The following KALRN variants were observed in gnomAD, a reference collection of about 807,000 sequenced individuals.
KALRN encodes kalirin.
KALRN carries 70 observed loss-of-function variants against 353.7 expected under a neutral mutation model. That is an observed-to-expected ratio of 0.20 (90% CI 0.16 to 0.24). KALRN has a LOEUF of 0.24. KALRN is among the 10% of genes least tolerant of loss of function. The probability of loss-of-function intolerance (pLI) is 1.00; values close to 1 mark genes in which losing one functional copy is unlikely to be tolerated. For missense variants in KALRN, 2,791 were observed against 3,756.7 expected, an observed-to-expected ratio of 0.74 and a Z score of 6.72; for synonymous variants, 1,391 against 1,434.8, an observed-to-expected ratio of 0.97 and a Z score of 0.69.
intron 10 of KALRN, among the ~76,000 whole-genome samples, chr3:124,371,484 T>G (rs2085827336): frequency 6.6e-6 from 1 of 152,188 alleles, no homozygotes; most frequent in Non-Finnish European, 1.5e-5. Context: ...GGTAATTGTA[T>G]TTTTATTTTT....
chr3:124,603,468 T>A (rs576271787), intron 34 of KALRN, among the ~76,000 whole-genome samples: 1 of 152,306 alleles, frequency 6.6e-6, no homozygotes, highest in East Asian at 1.9e-4. Flanking sequence ...CACCTGTTGA[T>A]TCAGGCAACT....
At chr3:124,482,511 GCT>G (rs137959576) in intron 27 of KALRN, among the ~76,000 whole-genome samples, 18,325 of 151,750 alleles carry the variant, frequency 0.12, 1,300 homozygotes, top group Admixed American at 0.16. Context: ...TTACCTTATT[GCT>G]CTCTTTTCTA....
At chr3:124,230,682 C>G (rs1373609) in intron 2 of KALRN, among the ~76,000 whole-genome samples, 1 of 151,772 alleles carries the variant, frequency 6.6e-6, no homozygotes, top group Non-Finnish European at 1.5e-5. Flanking sequence ...GCCGAACAGC[C>G]TGGGGTAAGC....
rs576525759 is a variant in KALRN, at chr3:124,414,021, G to A, written c.2542+356G>A. 2.3e-4 allele frequency among the ~76,000 whole-genome samples: 35 copies of A among 152,130 alleles called. No individual in the cohort carries two copies. In the South Asian group the frequency reaches 6.0e-3, roughly 26 times the overall value. The stretch of plus-strand genomic sequence containing the variant: ...CTCAGGAGGCTGAGGCAGGAGAATC[G>A]CTTCAACCTGGGAGATGGAGACTGC... On this transcript the variant is annotated intron_variant, in intron 14 of 59. Coordinates refer to ENST00000682506, the MANE Select transcript of KALRN (RefSeq NM_001388419.1).
intron 15 of KALRN, among the ~76,000 whole-genome samples, chr3:124,428,579 T>A (rs1309476180): frequency 6.6e-6 from 1 of 152,228 alleles, no homozygotes; most frequent in African/African-American, 2.4e-5. Context: ...GACTCATTCC[T>A]AGGGTTCAGC....
chr3:124,661,698 C>T (rs1559794174), intron 44 of KALRN, among the ~76,000 whole-genome samples, 153 bp from the exon 45 acceptor site: 1 of 152,230 alleles, frequency 6.6e-6, no homozygotes. Context: ...GAAAGCCCCA[C>T]ACTCTCTGAG....
chr3:124,626,815 C>A (rs1401283167), intron 34 of KALRN, among the ~76,000 whole-genome samples: 1 of 152,146 alleles, frequency 6.6e-6, no homozygotes, highest in African/African-American at 2.4e-5. Flanking sequence ...ATGGAATGAA[C>A]TTGGATGTAG....
chr3:124,418,515 AAAGAG>A (rs2092623317), intron 14 of KALRN, among the ~76,000 whole-genome samples: 1 of 152,236 alleles, frequency 6.6e-6, no homozygotes. Flanking sequence ...GAAGAAAAGA[AAAGAG>A]AAAAGATGTT....
At chr3:124,644,246 T>C (rs1578601722) in intron 37 of KALRN, among the ~76,000 whole-genome samples, 1 of 152,246 alleles carries the variant, frequency 6.6e-6, no homozygotes, top group Non-Finnish European at 1.5e-5. Flanking sequence ...ATGCAATATT[T>C]TTCTTTCTGT....
chr3:124,538,410 C>T (rs1300601372), intron 33 of KALRN, among the ~76,000 whole-genome samples: 2 of 152,004 alleles, frequency 1.3e-5, no homozygotes, highest in African/African-American at 4.8e-5. Flanking sequence ...AGTTGTTGGT[C>T]AGAGGAGAAG....
intron 34 of KALRN, among the ~76,000 whole-genome samples, chr3:124,570,887 C>T (rs2073441594): frequency 6.6e-6 from 1 of 152,188 alleles, no homozygotes; most frequent in Non-Finnish European, 1.5e-5. Flanking sequence ...TTTCCAAATA[C>T]AAGAAACCCC....
At chr3:124,289,771 GTT>G (rs1283536278) in intron 5 of KALRN, among the ~76,000 whole-genome samples, 26 of 152,158 alleles carry the variant, frequency 1.7e-4, no homozygotes, top group East Asian at 5.8e-4. Flanking sequence ...TTTTCACCAT[GTT>G]TAAAATGGAA....
chr3:124,527,603 A>G (rs2067699188), intron 33 of KALRN, among the ~76,000 whole-genome samples: 1 of 144,114 alleles, frequency 6.9e-6, no homozygotes, highest in Non-Finnish European at 1.6e-5. Context: ...GACTGTTTAA[A>G]AAAAAAAAAA....
At chr3:124,037,923 G>T (rs76321017) in intron 1 of KALRN, among the ~76,000 whole-genome samples, 8 of 152,090 alleles carry the variant, frequency 5.3e-5, no homozygotes, top group African/African-American at 9.7e-5. Flanking sequence ...TGAAGCATGG[G>T]GGGGGCGACT....
chr3:124,682,081 T>A (rs1405838569), intron 51 of KALRN, among the ~76,000 whole-genome samples: 3 of 152,162 alleles, frequency 2.0e-5, no homozygotes, highest in Non-Finnish European at 4.4e-5. Context: ...CTGATCAACA[T>A]GAGTTGAGAA....
chr3:124,176,938 G>C (rs2072855889), intron 1 of KALRN, among the ~76,000 whole-genome samples: 1 of 152,148 alleles, frequency 6.6e-6, no homozygotes, highest in African/African-American at 2.4e-5. Context: ...CAATGCAAAG[G>C]AGACAGCAGA....
intron 33 of KALRN, among the ~76,000 whole-genome samples, chr3:124,509,286 G>A (rs1192135887): frequency 6.6e-6 from 1 of 152,118 alleles, no homozygotes; most frequent in African/African-American, 2.4e-5. Flanking sequence ...TCAGCTCACT[G>A]CAACCTCCAC....
intron 34 of KALRN, among the ~76,000 whole-genome samples, chr3:124,624,697 T>C (rs368219371): frequency 1.4e-5 from 2 of 143,914 alleles, no homozygotes; most frequent in African/African-American, 5.2e-5. Flanking sequence ...TGTAGATAGA[T>C]AGAAGGAGGC....
intron 1 of KALRN, among the ~76,000 whole-genome samples, chr3:124,213,286 A>G (rs1424166550): frequency 6.6e-6 from 1 of 152,080 alleles, no homozygotes; most frequent in Non-Finnish European, 1.5e-5. Flanking sequence ...CAGTTTTTCC[A>G]GTGCCATTTA....
Sources: gnomAD v4.1 joint callset for allele counts (sites outside exome capture counted in the v4.1 genomes callset) on GRCh38, gnomAD v4.1.1 for gene constraint, MANE v1.5 for transcripts, NCBI Gene and HGNC (gene_info 2026-07-23, HGNC 2026-07-21) for gene names.